The following RBM5 variants were observed in gnomAD, a reference collection of about 807,000 sequenced individuals.
RBM5 encodes RNA-binding protein 5.
RBM5 carries 15 observed loss-of-function variants against 124.6 expected under a neutral mutation model. That is an observed-to-expected ratio of 0.12 (90% confidence interval 0.08 to 0.19). The LOEUF is 0.19. Among genes scored for constraint, RBM5 ranks in the 10% least tolerant of loss-of-function variants. The probability of loss-of-function intolerance (pLI) is 1.00; values close to 1 mark genes in which losing one functional copy is unlikely to be tolerated. For missense variants in RBM5, 580 were observed against 1,026.5 expected, an observed-to-expected ratio of 0.57 and a Z score of 5.94; for synonymous variants, 337 against 361.2, an observed-to-expected ratio of 0.93 and a Z score of 0.76.
At chr3:50,106,339 A>G (rs1289821828) in intron 10 of RBM5, among the ~76,000 whole-genome samples, 1 of 151,288 alleles carries the variant, frequency 6.6e-6, no homozygotes, top group Non-Finnish European at 1.5e-5. Context: ...ATGGGGTTTC[A>G]CTGTGTTAGC....
chr3:50,113,803 A>T, intron 18 of RBM5, 147 bp from the exon 19 acceptor site: 3 of 1,042,818 alleles, frequency 2.9e-6, no homozygotes, highest in Middle Eastern at 3.2e-4. Context: ...TATATGTGAT[A>T]ACATCTAATG....
chr3:50,104,620 GCAACAAA>G (rs1446109128), intron 8 of RBM5: 1 of 290,274 alleles, frequency 3.4e-6, no homozygotes, highest in African/African-American at 2.2e-5. Flanking sequence ...TCCAGCCTGG[GCAACAAA>G]CAAGACCCTG....
In RBM5 at chr3:50,114,235, A is replaced by C. The variant is rs766098791; in HGVS notation, c.1823A>C (p.Glu608Ala). ...CCAGAATTGGTGCGAAATGGAGATG[A>C]GGAGAATCCCCTCAAAGTAAGGGAG... ...LIPELVRNGD[E>A]ENPLKRGLVA... The change falls in exon 20 of 25, where the codon GAG (glutamate) becomes GCG (alanine). Residue 608 changes from glutamate to alanine, a missense_variant. Physicochemically the swap from Glu to Ala is moderately radical, Grantham distance 107. Transcript: ENST00000347869. 6.2e-7 allele frequency: 1 copy of C among 1,608,762 alleles called. No individual in the cohort carries two copies. The highest frequency in any genetic ancestry group is 8.5e-7 in the Non-Finnish European group (1 of 1,178,718).
Position 50,118,500 on chromosome 3 carries a change from C to G in RBM5, c.*44C>G, listed in dbSNP as rs562564312. On this transcript the variant is annotated 3_prime_UTR_variant, in exon 25 of 25. Coordinates refer to ENST00000347869, the MANE Select transcript of RBM5 (RefSeq NM_005778.4). ...GATGACAAGGAGCACAAGAAGTGGT[C>G]CATCTCCCGAATTCGCTGTTACCGC... is the stretch of plus-strand genomic sequence containing the variant. 2.5e-6 allele frequency: 4 copies of G among 1,595,850 alleles called. No homozygotes were observed. The Admixed American group carries it at 7.0e-5, about 28-fold the overall frequency.
At chr3:50,098,972 C>T (rs933877094) in intron 4 of RBM5, among the ~76,000 whole-genome samples, 3 of 152,122 alleles carry the variant, frequency 2.0e-5, no homozygotes, top group African/African-American at 7.2e-5. Context: ...AAATTAATTG[C>T]GGCCAGGCAT....
chr3:50,094,594 A>G (rs531633396), intron 4 of RBM5, among the ~76,000 whole-genome samples: 3 of 152,250 alleles, frequency 2.0e-5, no homozygotes, highest in South Asian at 2.1e-4. Context: ...CCTGGGCTCA[A>G]GTGATCTTTT....
At chr3:50,097,374 C>T (rs547184376) in intron 4 of RBM5, among the ~76,000 whole-genome samples, 46 of 146,874 alleles carry the variant, frequency 3.1e-4, no homozygotes, top group African/African-American at 4.6e-4. Context: ...CCAGCCTGGG[C>T]GACAGAGCAA....
At chr3:50,112,718 T>C (rs1206631781) in intron 17 of RBM5, 1 of 152,350 alleles carries the variant, frequency 6.6e-6, no homozygotes, top group Non-Finnish European at 1.5e-5. Context: ...ATGTCTGAAC[T>C]CCATGACACG....
At position 50,105,061 on chromosome 3, in the gene RBM5, T is replaced by A. The variant is rs753222746; in HGVS notation, c.629-16T>A. The A allele has an allele frequency of 1.9e-6, 3 of 1,541,100 alleles. No homozygotes were observed. Among genetic ancestry groups the A allele is most frequent in the Non-Finnish European group, 2.7e-6 (3 of 1,116,704 alleles). On this transcript the variant is annotated splice_polypyrimidine_tract_variant and intron_variant, in intron 8 of 24. Coordinates refer to ENST00000347869, the MANE Select transcript of RBM5 (RefSeq NM_005778.4). ...CATTAGTTGTTTGTCTCTAATTGGA[T>A]CACTTTCCCTTCTAGACTCTGAACA...
intron 6 of RBM5, chr3:50,102,287 T>A (rs2090954798): frequency 6.6e-6 from 1 of 152,138 alleles, no homozygotes; most frequent in Admixed American, 6.6e-5. Context: ...TTTTTAAAGC[T>A]AAGTCCTTGT....
rs61297967 is a variant in RBM5 at position 50,106,118 on chromosome 3, ATTTTTTTTTTTT to A, written c.855+432_855+443del. ...CAGGTGCCCGCCACCACGCCCAGCT[ATTTTTTTTTTTT>A]TTTTTTTTTTTTTTTTTTTTTTGAG... On this transcript the variant is annotated intron_variant, in intron 10 of 24. Transcript: ENST00000347869. 3.5e-3 allele frequency among the ~76,000 whole-genome samples: 114 copies of A among 32,748 alleles called. 1 individual carries two copies. Among genetic ancestry groups the A allele is most frequent in the Non-Finnish European group, 5.5e-3 (92 of 16,772 alleles). 21.5% of individuals were successfully genotyped at this position (32,748 alleles called of 152,430 possible). A position where few individuals can be genotyped will look rare whatever the true frequency, so the allele number is the denominator to read the frequency against.
intron 6 of RBM5, chr3:50,102,218 C>G (rs1009007210): frequency 6.6e-6 from 1 of 151,710 alleles, no homozygotes; most frequent in Non-Finnish European, 1.5e-5. Flanking sequence ...AATGAAGGCT[C>G]TTTAGGGGTA....
intron 18 of RBM5, 107 bp from the exon 19 acceptor site, chr3:50,113,843 A>G (rs1053270217): frequency 1.3e-5 from 16 of 1,279,744 alleles, no homozygotes; most frequent in Non-Finnish European, 1.7e-5. Flanking sequence ...GTAAGAGTAA[A>G]AGGGGTTTGT....
At chr3:50,105,321 A>AG (rs2091008898) in intron 9 of RBM5, among the ~76,000 whole-genome samples, 179 bp downstream of exon 9, 1 of 152,010 alleles carries the variant, frequency 6.6e-6, no homozygotes, top group Non-Finnish European at 1.5e-5. Context: ...AAAAAAAAAA[A>AG]TTGACCTCAG....
chr3:50,117,092 G>A lies in RBM5; in HGVS notation c.2113G>A (p.Ala705Thr). The A allele has an allele frequency of 6.2e-7, 1 of 1,614,220 alleles. No individual in the cohort carries two copies. The highest frequency in any genetic ancestry group is 8.5e-7 in the Non-Finnish European group (1 of 1,180,028). ...CATGTAGATGAAATACCGAGACCGA[G>A]CTGCAGAAAGACGGGAGAAGTACGG... is the stretch of plus-strand genomic sequence containing the variant. ...REREMKYRDR[A>T]AERREKYGIP... is the part of the protein sequence containing the mutation. Residue 705 changes from alanine (A) to threonine (T), a missense_variant, in exon 23 of 25, where the codon GCT becomes ACT. Coordinates refer to ENST00000347869, the MANE Select transcript of RBM5 (RefSeq NM_005778.4). The surrounding 1 kb of genome is among the most constrained non-coding windows in gnomAD (Gnocchi z 4.2).
rs1174341073 is a variant in RBM5, at chr3:50,115,450, G to A, written c.1862G>A (p.Ser621Asn). Residue 621 changes from serine to asparagine, a missense_variant, in exon 21 of 25, where the codon AGT becomes AAT. Around this residue, in one of 6 missense-constraint regions of RBM5, gnomAD observed 234 missense variants for 435.1 expected, o/e 0.54. Coordinates refer to ENST00000347869, the MANE Select transcript of RBM5 (RefSeq NM_005778.4). ...PLKRGLVAAYSGDSDNEEELV... is the reference protein window; with the variant it reads ...PLKRGLVAAYNGDSDNEEELV... ...CAGAGGGGTCTGGTTGCTGCTTACA[G>A]TGGTGACAGTGACAATGAGGAGGAG... 2.5e-6 allele frequency: 4 copies of A among 1,613,936 alleles called. No homozygotes were observed. Among genetic ancestry groups the A allele is most frequent in the Non-Finnish European group, 3.4e-6 (4 of 1,180,008 alleles).
At chr3:50,095,177 G>GGT (rs1321581347) in intron 4 of RBM5, among the ~76,000 whole-genome samples, 4 of 152,056 alleles carry the variant, frequency 2.6e-5, no homozygotes, top group African/African-American at 9.7e-5. Context: ...CTCCAGCCTG[G>GGT]GTGACAGAAC....
At chr3:50,105,015 T>G in intron 8 of RBM5, 62 bp from the exon 9 acceptor site, 1 of 1,227,088 alleles carries the variant, frequency 8.1e-7, no homozygotes, top group Non-Finnish European at 1.2e-6. Context: ...GGGATTTTAA[T>G]GTATTTCTTT....
At chr3:50,115,249 A>G (rs2091225846) in intron 20 of RBM5, 179 bp from the exon 21 acceptor site, 1 of 646,492 alleles carries the variant, frequency 1.5e-6, no homozygotes, top group Non-Finnish European at 2.5e-6. Flanking sequence ...TGTCAGGCCT[A>G]GCACTCAAGG....
Sources: allele counts gnomAD v4.1 joint callset (sites outside exome capture counted in the v4.1 genomes callset), GRCh38; gene constraint gnomAD v4.1.1; regional missense constraint gnomAD v4.1.1; non-coding constraint Gnocchi (gnomAD v3.1); transcripts MANE v1.5; gene names NCBI Gene and HGNC (gene_info 2026-07-23, HGNC 2026-07-21).